ALDH6A1: variants seen among roughly 807,000 people sequenced by gnomAD.
The protein encoded by ALDH6A1 is methylmalonate-semialdehyde/malonate-semialdehyde dehydrogenase [acylating], mitochondrial.
Under a neutral mutation model 62.6 loss-of-function variants are expected in ALDH6A1, and 43 were observed. The ratio of observed to expected loss-of-function variants is 0.69; its 90% confidence interval spans 0.54 to 0.89. The LOEUF is 0.89. Ranked by LOEUF, ALDH6A1 falls within the 40% of genes least tolerant of loss-of-function variation. ALDH6A1 has a pLI of 0.00. For missense variants in ALDH6A1, 551 were observed against 661.3 expected (o/e 0.83, Z 1.83); for synonymous variants, 194 against 234.2 (o/e 0.83, Z 1.57).
intron 11 of ALDH6A1, among the ~76,000 whole-genome samples, chr14:74,062,569 C>T (rs1476601347): frequency 2.0e-5 from 3 of 152,120 alleles, no homozygotes; most frequent in Admixed American, 6.6e-5. Context: ...CCACTATACT[C>T]CAGCCTGGGT....
intron 11 of ALDH6A1, among the ~76,000 whole-genome samples, chr14:74,064,096 A>C (rs1161737871): frequency 6.6e-6 from 1 of 150,652 alleles, no homozygotes. Context: ...TCAGGAGTTC[A>C]AGACCAGCCT....
chr14:74,067,378 A>G lies in ALDH6A1; in HGVS notation c.1042+2T>C, dbSNP rs1341198788. 2 of 1,612,818 alleles carry G rather than the reference A, an allele frequency of 1.2e-6. No individual in the cohort carries two copies. The highest frequency in any genetic ancestry group is 1.7e-5 in the Admixed American group (1 of 60,018). On this transcript the variant is annotated splice_donor_variant, in intron 8 of 11. Coordinates refer to ENST00000553458, the MANE Select transcript of ALDH6A1 (RefSeq NM_005589.4). LOFTEE classifies it high-confidence loss of function. ...AAGGGGGCAAGTCAGGTGATTGATT[A>G]CCTGCATTGACTCTCAGGTTTTTGG...
intron 6 of ALDH6A1, 49 bp from the exon 7 acceptor site, chr14:74,069,030 C>G: frequency 6.3e-7 from 1 of 1,581,114 alleles, no homozygotes; most frequent in African/African-American, 1.4e-5. Context: ...AATGGATTCT[C>G]AACATGGCAA....
intron 7 of ALDH6A1, among the ~76,000 whole-genome samples, chr14:74,068,434 TCATGATTAAAGAGAAGA>T: frequency 6.6e-6 from 1 of 151,136 alleles, no homozygotes; most frequent in East Asian, 2.0e-4. Flanking sequence ...CTCAAAAGGT[TCATGATTAAAGAGAAGA>T]CATTCAGGAG....
chr14:74,082,128 G>A (rs901213871), intron 1 of ALDH6A1, among the ~76,000 whole-genome samples: 2 of 152,118 alleles, frequency 1.3e-5, no homozygotes, highest in Non-Finnish European at 1.5e-5. Context: ...TCACTTCAGC[G>A]TGGGAGGTCG....
intron 1 of ALDH6A1, among the ~76,000 whole-genome samples, chr14:74,079,494 C>T (rs1318943622): frequency 6.7e-6 from 1 of 149,720 alleles, no homozygotes; most frequent in African/African-American, 2.5e-5. Flanking sequence ...AGTGCAGTTG[C>T]GCGATCTTGG....
intron 9 of ALDH6A1, 127 bp from the exon 10 acceptor site, chr14:74,065,487 C>A: frequency 1.1e-6 from 1 of 871,236 alleles, no homozygotes. Flanking sequence ...AATCTCTTTT[C>A]ATTTCAAATC....
chr14:74,070,834 A>G, intron 6 of ALDH6A1: 1 of 277,956 alleles, frequency 3.6e-6, no homozygotes, highest in South Asian at 4.3e-5. Flanking sequence ...AGTATTAGCT[A>G]TTATTACATG....
intron 11 of ALDH6A1, among the ~76,000 whole-genome samples, chr14:74,061,747 CAT>C (rs1316327030): frequency 2.6e-5 from 4 of 152,124 alleles, no homozygotes; most frequent in African/African-American, 7.2e-5. Flanking sequence ...TTACCTATAA[CAT>C]GTGAGCCCAA....
At position 74,076,851 on chromosome 14, in the gene ALDH6A1, A is replaced by G. The variant is rs1057473320; in HGVS notation, c.49-1834T>C. 6.6e-5 allele frequency among the ~76,000 whole-genome samples: 10 copies of G among 152,162 alleles called. No homozygotes were observed. In the East Asian group the frequency reaches 1.9e-3, roughly 29 times the overall value. On this transcript the variant is annotated intron_variant, in intron 1 of 11. Transcript: ENST00000553458. ...AGGTGTAAGCCACTGCACCCAGCCT[A>G]TATATATGTTATCAAAGTTGATTTA...
Position 74,072,314 on chromosome 14 carries a change from CATTTCT to C in ALDH6A1, c.231_236del (p.Glu78_Met79del). 1 of 1,614,224 alleles carries C rather than the reference CATTTCT, an allele frequency of 6.2e-7. No individual in the cohort carries two copies. The highest frequency in any genetic ancestry group is 8.5e-7 in the Non-Finnish European group (1 of 1,180,046). ...GTTTGCAGGAAGCAATGGCTGCATC[CATTTCT>C]GCCTTGGTGGCCTGAGGGACCCGAC... On this transcript the variant is annotated inframe_deletion, in exon 4 of 12. Transcript: ENST00000553458.
At position 74,071,429 on chromosome 14, in the gene ALDH6A1, C is replaced by T; in HGVS notation, c.496G>A (p.Asp166Asn). The T allele has an allele frequency of 6.2e-7, 1 of 1,614,182 alleles. No individual in the cohort carries two copies. The highest frequency in any genetic ancestry group is 8.5e-7 in the Non-Finnish European group (1 of 1,180,040). The change falls in exon 6 of 12, where the codon GAC becomes AAC. Residue 166 changes from aspartate to asparagine, a missense_variant. Coordinates refer to ENST00000553458, the MANE Select transcript of ALDH6A1 (RefSeq NM_005589.4). ...AGACGGTAGGAATAAAGGTCCATGT[C>T]TTTGGTGATGGATGGCATGGTCTCT... is the stretch of plus-strand genomic sequence containing the variant. ...MGETMPSITK[D>N]MDLYSYRLPL...
At position 74,066,938 on chromosome 14, in the gene ALDH6A1, T is replaced by G. The variant is rs773111932; in HGVS notation, c.1043-52A>C. 9 of 1,545,350 alleles carry G rather than the reference T, an allele frequency of 5.8e-6. No individual in the cohort carries two copies. The South Asian group carries it at 1.0e-4, about 17-fold the overall frequency. Reference sequence around the variant, plus strand: ...GGTCCTCATTAACATAAATTATGACTGCTGCCAGGGCTCATGCCTGTAATC... The same window carrying G: ...GGTCCTCATTAACATAAATTATGACGGCTGCCAGGGCTCATGCCTGTAATC... On this transcript the variant is annotated intron_variant, in intron 8 of 11. Transcript: ENST00000553458.
At chr14:74,069,594 T>C (rs751900214) in intron 6 of ALDH6A1, among the ~76,000 whole-genome samples, 306 of 151,542 alleles carry the variant, frequency 2.0e-3, no homozygotes, top group Non-Finnish European at 3.4e-3. Context: ...CTACTAAAAA[T>C]ACAAAAAAAT....
chr14:74,080,678 A>G (rs1341602511), intron 1 of ALDH6A1, among the ~76,000 whole-genome samples: 1 of 152,090 alleles, frequency 6.6e-6, no homozygotes, highest in Admixed American at 6.6e-5. Context: ...CTTAGCCTCA[A>G]GCGATCCTCC....
intron 11 of ALDH6A1, among the ~76,000 whole-genome samples, chr14:74,062,051 GAAAAAAAAAAAAAA>G (rs369414700): frequency 1.5e-4 from 9 of 59,576 alleles, no homozygotes; most frequent in East Asian, 9.6e-4. Flanking sequence ...TCTCTACTGG[GAAAAAAAAAAAAAA>G]AAAAAAAAAA....
Position 74,066,846 on chromosome 14 carries a change from G to A in ALDH6A1, c.1083C>T (p.Pro361=), listed in dbSNP as rs750093532. The change falls in exon 9 of 12, where the codon CCC becomes CCT. Residue 361 remains proline (P), a synonymous_variant. Transcript: ENST00000553458. The stretch of plus-strand genomic sequence containing the variant: ...GATTACAGACTCGCTCTTTGGCCTG[G>A]GGAGTGATCAGAGGGCCAAGATCAG... ...PGADLGPLIT[P]QAKERVCNLI... is the part of the protein sequence containing the mutation. The A allele has an allele frequency of 1.9e-6, 3 of 1,613,886 alleles. No homozygotes were observed. In the Admixed American group the frequency reaches 5.0e-5, roughly 27 times the overall value.
At chr14:74,066,952 A>C in intron 8 of ALDH6A1, 66 bp from the exon 9 acceptor site, 28 of 1,485,672 alleles carry the variant, frequency 1.9e-5, no homozygotes, top group Non-Finnish European at 2.3e-5. Context: ...GCCAGGGCTC[A>C]TGCCTGTAAT....
Position 74,067,458 on chromosome 14 carries a change from T to C in ALDH6A1, c.964A>G (p.Thr322Ala). The C allele has an allele frequency of 6.2e-7, 1 of 1,614,194 alleles. No individual in the cohort carries two copies. Among genetic ancestry groups the C allele is most frequent in the South Asian group, 1.1e-5 (1 of 91,092 alleles). Residue 322 changes from threonine (T) to alanine (A), a missense_variant, in exon 8 of 12, where the codon ACA (threonine) becomes GCA (alanine). Physicochemically the swap from Thr to Ala is moderately conservative, Grantham distance 58. Coordinates refer to ENST00000553458, the MANE Select transcript of ALDH6A1 (RefSeq NM_005589.4). ...TTGGCTTCTCCCACAAGGACTGCTG[T>C]TGAAAGAGCCATGCAGCGCTGACCA... ...AAGQRCMALS[T>A]AVLVGEAKKW... is the part of the protein sequence containing the mutation.
Sources: allele counts gnomAD v4.1 joint callset (sites outside exome capture counted in the v4.1 genomes callset), GRCh38; gene constraint gnomAD v4.1.1; transcripts MANE v1.5; gene names NCBI Gene and HGNC (gene_info 2026-07-23, HGNC 2026-07-21).